SLCO1A2: variants seen among roughly 807,000 people sequenced by gnomAD.
SLCO1A2 encodes the protein OATP-1.
A neutral mutation model predicts 69.0 loss-of-function variants in SLCO1A2; 67 were observed. That is an observed-to-expected ratio of 0.97 (90% CI 0.80 to 1.19). The LOEUF (loss-of-function observed/expected upper bound fraction) is 1.19. Among genes scored for constraint, SLCO1A2 ranks in the 50% most tolerant of loss-of-function variants. The pLI is 0.00. For missense variants in SLCO1A2, 787 were observed against 793.7 expected (o/e 0.99, Z 0.10); for synonymous variants, 260 against 265.9 (o/e 0.98, Z 0.22).
intron 4 of SLCO1A2, among the ~76,000 whole-genome samples, chr12:21,314,179 G>C (rs1401828279): frequency 6.6e-6 from 1 of 152,084 alleles, no homozygotes; most frequent in African/African-American, 2.4e-5. Flanking sequence ...AGAAAAATCA[G>C]CCTTCAGACT....
At chr12:21,416,325 T>A (rs1565536053) in intron 1 of SLCO1A2, among the ~76,000 whole-genome samples, 1 of 150,640 alleles carries the variant, frequency 6.6e-6, no homozygotes, top group African/African-American at 2.4e-5. Context: ...GAAAGGGAAA[T>A]AATGAATGAA....
intron 14 of SLCO1A2, chr12:21,274,242 G>A: frequency 4.7e-6 from 2 of 421,656 alleles, no homozygotes; most frequent in South Asian, 3.9e-5. Context: ...TGAAAGCCAA[G>A]GTTAGGGAAG....
At chr12:21,276,854 G>C (rs1479092142) in intron 12 of SLCO1A2, among the ~76,000 whole-genome samples, 3 of 152,230 alleles carry the variant, frequency 2.0e-5, no homozygotes, top group Non-Finnish European at 4.4e-5. Context: ...ATTTAGACTA[G>C]CTATCACCAG....
intron 2 of SLCO1A2, among the ~76,000 whole-genome samples, chr12:21,355,947 T>C (rs11834836): frequency 0.023 from 3,554 of 152,220 alleles, 157 homozygotes; most frequent in African/African-American, 0.081. Context: ...TAAAATAGTA[T>C]TGAATGAGTA....
chr12:21,362,677 T>A (rs932492589), intron 2 of SLCO1A2, among the ~76,000 whole-genome samples: 4 of 152,046 alleles, frequency 2.6e-5, no homozygotes, highest in Non-Finnish European at 4.4e-5. Context: ...GAGACACGCA[T>A]AGGCTCAAAA....
intron 2 of SLCO1A2, among the ~76,000 whole-genome samples, chr12:21,333,490 G>A (rs1952735947): frequency 6.6e-6 from 1 of 152,028 alleles, no homozygotes; most frequent in South Asian, 2.1e-4. Context: ...ATATTTCTAA[G>A]TTCAGAGAAA....
intron 1 of SLCO1A2, among the ~76,000 whole-genome samples, chr12:21,385,880 A>C (rs1258939686): frequency 6.6e-6 from 1 of 152,294 alleles, no homozygotes; most frequent in Non-Finnish European, 1.5e-5. Context: ...GTGCTTAGAA[A>C]CCATATTTTT....
intron 13 of SLCO1A2, 150 bp from the exon 14 acceptor site, chr12:21,274,736 C>A: frequency 1.4e-6 from 1 of 733,302 alleles, no homozygotes; most frequent in Non-Finnish European, 2.1e-6. Context: ...TGATGAGTTA[C>A]TTTTACTGTA....
chr12:21,271,001 C>A lies in SLCO1A2; in HGVS notation c.1794-1234G>T, dbSNP rs954241090. 1.2e-4 allele frequency among the ~76,000 whole-genome samples: 18 copies of A among 151,516 alleles called. 1 individual carries two copies. Among genetic ancestry groups the A allele is most frequent in the African/African-American group, 4.3e-4 (18 of 41,414 alleles). On this transcript the variant is annotated intron_variant, in intron 14 of 14. Coordinates refer to ENST00000683939, the MANE Select transcript of SLCO1A2 (RefSeq NM_001386879.1). The stretch of plus-strand genomic sequence containing the variant: ...TTTATCTTTCTACTTCTAAAATTTT[C>A]TTTTATTATGAAACAGTACTAGGAT...
rs150995793 is a variant in SLCO1A2, at chr12:21,312,972, G to C, written c.335+1577C>G. On this transcript the variant is annotated intron_variant, in intron 4 of 14. Coordinates refer to ENST00000683939, the MANE Select transcript of SLCO1A2 (RefSeq NM_001386879.1). The stretch of plus-strand genomic sequence containing the variant: ...ATAGTGGCACATGCCTGTAGTTTCA[G>C]CCACTGGAGAGGCTGAAGTGAGAGG... Among the ~76,000 whole-genome samples the C allele has an allele frequency of 5.6e-3, 849 of 152,224 alleles. 6 individuals carry two copies. Among genetic ancestry groups the C allele is most frequent in the African/African-American group, 0.019 (774 of 41,540 alleles).
At chr12:21,307,482 C>T (rs953442728) in intron 4 of SLCO1A2, among the ~76,000 whole-genome samples, 5 of 152,084 alleles carry the variant, frequency 3.3e-5, no homozygotes, top group Non-Finnish European at 4.4e-5. Flanking sequence ...TCATAAACCC[C>T]TAAAAAAACC....
chr12:21,296,766 C>G (rs754961135), intron 9 of SLCO1A2, among the ~76,000 whole-genome samples: 2 of 152,184 alleles, frequency 1.3e-5, no homozygotes, highest in African/African-American at 2.4e-5. Context: ...TTCCAGAGCC[C>G]CACGCCCTAG....
At chr12:21,343,772 C>T (rs1953155281) in intron 2 of SLCO1A2, among the ~76,000 whole-genome samples, 1 of 152,078 alleles carries the variant, frequency 6.6e-6, no homozygotes, top group Admixed American at 6.6e-5. Context: ...GGAGAAGACT[C>T]TCCCCTAGCT....
At chr12:21,417,542 A>ATT (rs1431620204) in intron 1 of SLCO1A2, among the ~76,000 whole-genome samples, 10 of 151,388 alleles carry the variant, frequency 6.6e-5, no homozygotes, top group African/African-American at 2.2e-4. Context: ...AAAAGAGGGG[A>ATT]ATTTGGAAAT....
rs964323127 is a variant in SLCO1A2, at chr12:21,416,612, CT to C, written c.-312+1269del. 4.1e-4 allele frequency among the ~76,000 whole-genome samples: 60 copies of C among 146,626 alleles called. No individual in the cohort carries two copies. The South Asian group carries it at 5.4e-3, about 13-fold the overall frequency. On this transcript the variant is annotated intron_variant, in intron 1 of 4. Coordinates refer to the SLCO1A2 transcript ENST00000413682. ...TTGTCTGCAGGCTGGTCTTGTTTAA[CT>C]TTTTTTTTTTAAGAGACAGGGTCTC... is the stretch of plus-strand genomic sequence containing the variant.
chr12:21,385,364 A>G lies in SLCO1A2; in HGVS notation c.-190+9542T>C, dbSNP rs146779074. Among the ~76,000 whole-genome samples, 52 of 152,336 alleles carry G rather than the reference A, an allele frequency of 3.4e-4. 1 individual carries two copies. Among genetic ancestry groups the G allele is most frequent in the African/African-American group, 1.2e-3 (51 of 41,584 alleles). On this transcript the variant is annotated intron_variant, in intron 1 of 15. Transcript: ENST00000307378. ...AGAATTTACTCCATAACCTTCTATA[A>G]TTTGAAATTCATTCTTGTGCATAAG...
At chr12:21,402,839 C>G (rs1591919947) in intron 1 of SLCO1A2, among the ~76,000 whole-genome samples, 1 of 152,096 alleles carries the variant, frequency 6.6e-6, no homozygotes, top group South Asian at 2.1e-4. Context: ...AAAAGATACG[C>G]CCAAAATTGA....
intron 12 of SLCO1A2, among the ~76,000 whole-genome samples, chr12:21,289,208 G>GTGTGTC (rs1049682931): frequency 6.6e-5 from 10 of 151,450 alleles, no homozygotes; most frequent in Admixed American, 5.9e-4. Flanking sequence ...GTGTGTGTGT[G>GTGTGTC]TGTGTGTGTG....
rs139073470 is a variant in SLCO1A2 at position 21,407,621 on chromosome 12, C to T, written c.-312+10261G>A. ...TTCAAGACTAGCCTGAGCAACATGG[C>T]GAAATCCTGTGTCTACAAAAAACAC... On this transcript the variant is annotated intron_variant, in intron 1 of 4. Transcript: ENST00000413682. Among the ~76,000 whole-genome samples, 814 of 152,026 alleles carry T rather than the reference C, an allele frequency of 5.4e-3. 4 individuals are homozygous for T. Among genetic ancestry groups the T allele is most frequent in the Middle Eastern group, 0.01 (3 of 294 alleles).
Sources: allele counts gnomAD v4.1 joint callset (sites outside exome capture counted in the v4.1 genomes callset), GRCh38; gene constraint gnomAD v4.1.1; transcripts MANE v1.5; gene names NCBI Gene and HGNC (gene_info 2026-07-23, HGNC 2026-07-21).